NDST3: variants seen among roughly 807,000 people sequenced by gnomAD.
NDST3 encodes the protein bifunctional heparan sulfate N-deacetylase/N-sulfotransferase 3.
NDST3 carries 58 observed loss-of-function variants against 96.1 expected under a neutral mutation model. That is an observed-to-expected ratio of 0.60 (90% CI 0.49 to 0.75). The LOEUF is 0.75. Ranked by LOEUF, NDST3 falls within the 30% of genes least tolerant of loss-of-function variation. The probability of loss-of-function intolerance (pLI) is 0.00; values close to 1 mark genes in which losing one functional copy is unlikely to be tolerated. For missense variants in NDST3, 788 were observed against 1,034.2 expected (o/e 0.76, Z 3.27); for synonymous variants, 333 against 359.7 (o/e 0.93, Z 0.84).
At chr4:118,109,256 T>C (rs916798447) in intron 3 of NDST3, among the ~76,000 whole-genome samples, 1 of 152,172 alleles carries the variant, frequency 6.6e-6, no homozygotes, top group South Asian at 2.1e-4. Flanking sequence ...AAAATTATCA[T>C]ATGGATGAAA....
intron 2 of NDST3, among the ~76,000 whole-genome samples, chr4:118,104,721 A>C (rs539074009): frequency 1.6e-4 from 24 of 152,264 alleles, no homozygotes; most frequent in African/African-American, 5.8e-4. Flanking sequence ...TATTTTATGT[A>C]CTAGATCGTA....
At chr4:118,109,546 G>A (rs1730474432) in intron 3 of NDST3, among the ~76,000 whole-genome samples, 1 of 152,154 alleles carries the variant, frequency 6.6e-6, no homozygotes, top group Admixed American at 6.5e-5. Context: ...CCCTAAGTGA[G>A]AGAAAGTACA....
rs571164838 is a variant in NDST3, at chr4:118,144,257, T to A, written c.1539+573T>A. Among the ~76,000 whole-genome samples the A allele has an allele frequency of 7.2e-5, 11 of 152,070 alleles. No homozygotes were observed. In the South Asian group the frequency reaches 2.3e-3, roughly 32 times the overall value. On this transcript the variant is annotated intron_variant, in intron 6 of 13. Coordinates refer to ENST00000296499, the MANE Select transcript of NDST3 (RefSeq NM_004784.3). Reference sequence around the variant, plus strand: ...GTGCAGTGGCGCCATCTCGGCTCACTGCAAGCTCCGCCTCCCGGGTTCACG... The same window carrying A: ...GTGCAGTGGCGCCATCTCGGCTCACAGCAAGCTCCGCCTCCCGGGTTCACG...
intron 2 of NDST3, among the ~76,000 whole-genome samples, chr4:118,075,716 A>G (rs961620931): frequency 2.0e-5 from 3 of 149,724 alleles, no homozygotes; most frequent in African/African-American, 7.3e-5. Context: ...GTGTCTGTTC[A>G]TGTCCTTTGC....
At chr4:118,107,865 T>C (rs945237167) in intron 3 of NDST3, among the ~76,000 whole-genome samples, 2 of 152,218 alleles carry the variant, frequency 1.3e-5, no homozygotes, top group African/African-American at 4.8e-5. Flanking sequence ...AATAAACTGA[T>C]AGTAATGGGT....
At chr4:118,196,762 T>C (rs1052305659) in intron 6 of NDST3, among the ~76,000 whole-genome samples, 5 of 152,002 alleles carry the variant, frequency 3.3e-5, no homozygotes, top group Non-Finnish European at 7.4e-5. Flanking sequence ...TAAAAGTTTC[T>C]CAATTTTCTT....
At chr4:118,161,466 C>G (rs1735123316) in intron 6 of NDST3, among the ~76,000 whole-genome samples, 1 of 152,148 alleles carries the variant, frequency 6.6e-6, no homozygotes, top group African/African-American at 2.4e-5. Context: ...CTGTGCCCTG[C>G]CCCCAGAGGT....
At chr4:118,114,269 TCAA>T (rs905589224) in intron 3 of NDST3, among the ~76,000 whole-genome samples, 8 of 152,210 alleles carry the variant, frequency 5.3e-5, no homozygotes, top group Non-Finnish European at 1.2e-4. Flanking sequence ...CCTAATTTTC[TCAA>T]CAACGATTTC....
chr4:118,249,599 C>T (rs1741526668), intron 12 of NDST3, among the ~76,000 whole-genome samples: 1 of 152,076 alleles, frequency 6.6e-6, no homozygotes, highest in African/African-American at 2.4e-5. Context: ...ACAGGCTTTA[C>T]GTAAATGGAA....
At chr4:118,071,810 TAA>T (rs1398601595) in intron 2 of NDST3, among the ~76,000 whole-genome samples, 1 of 152,120 alleles carries the variant, frequency 6.6e-6, no homozygotes, top group Admixed American at 6.6e-5. Context: ...AGTTCTATTT[TAA>T]GTTATTTGAG....
At chr4:118,149,546 GCTCT>G (rs1734226777) in intron 6 of NDST3, among the ~76,000 whole-genome samples, 1 of 145,322 alleles carries the variant, frequency 6.9e-6, no homozygotes, top group Non-Finnish European at 1.5e-5. Context: ...TCATGATTTG[GCTCT>G]CTGTTTGTCT....
intron 4 of NDST3, among the ~76,000 whole-genome samples, chr4:118,119,762 C>T (rs1180295066): frequency 6.6e-6 from 1 of 152,122 alleles, no homozygotes; most frequent in Non-Finnish European, 1.5e-5. Context: ...CAATACTTTA[C>T]CCCTATCCTG....
At chr4:118,065,769 AAAC>A (rs1315923576) in intron 2 of NDST3, among the ~76,000 whole-genome samples, 1 of 151,602 alleles carries the variant, frequency 6.6e-6, no homozygotes, top group Non-Finnish European at 1.5e-5. Flanking sequence ...CCCAACCTAA[AAAC>A]AACAATGGTG....
chr4:118,170,499 G>A (rs1735866123), intron 6 of NDST3, among the ~76,000 whole-genome samples: 1 of 152,196 alleles, frequency 6.6e-6, no homozygotes, highest in Non-Finnish European at 1.5e-5. Context: ...GGAGACAGAG[G>A]TCGGCAGATC....
intron 4 of NDST3, among the ~76,000 whole-genome samples, chr4:118,129,918 C>CTA: frequency 6.6e-6 from 1 of 151,994 alleles, no homozygotes; most frequent in South Asian, 2.1e-4. Flanking sequence ...ACGGGGTTGA[C>CTA]TCCTTTATCA....
chr4:118,209,310 A>G (rs1738638746), intron 6 of NDST3, among the ~76,000 whole-genome samples: 1 of 152,174 alleles, frequency 6.6e-6, no homozygotes, highest in African/African-American at 2.4e-5. Context: ...TTATTCTGTC[A>G]CTTTCTAACA....
chr4:118,045,016 A>G (rs934246367), intron 1 of NDST3, among the ~76,000 whole-genome samples: 7 of 152,138 alleles, frequency 4.6e-5, no homozygotes, highest in African/African-American at 1.7e-4. Flanking sequence ...GCGGACACAT[A>G]CAAACCATAA....
In NDST3 at chr4:118,218,110, G is replaced by A. The variant is rs530241105; in HGVS notation, c.1540-6381G>A. On this transcript the variant is annotated intron_variant, in intron 6 of 13. Coordinates refer to ENST00000296499, the MANE Select transcript of NDST3 (RefSeq NM_004784.3). ...AGATACACAGCCGAATTCTACCAGA[G>A]GTAAAAAGAGGAGCTGGTATCTTTC... Among the ~76,000 whole-genome samples the A allele has an allele frequency of 2.0e-5, 3 of 152,180 alleles. No individual in the cohort carries two copies. The East Asian group carries it at 5.8e-4, about 29-fold the overall frequency.
chr4:118,242,284 G>GAAA, intron 12 of NDST3, 135 bp downstream of exon 12: 4 of 537,650 alleles, frequency 7.4e-6, no homozygotes, highest in Non-Finnish European at 1.3e-5. Flanking sequence ...CATTAACCAC[G>GAAA]GAAAAAAAAA....
Sources: gnomAD v4.1 joint callset for allele counts (sites outside exome capture counted in the v4.1 genomes callset) on GRCh38, gnomAD v4.1.1 for gene constraint, MANE v1.5 for transcripts, NCBI Gene and HGNC (gene_info 2026-07-23, HGNC 2026-07-21) for gene names.